Variants in TLCD3B observed in about 807,000 individuals in gnomAD.
The protein encoded by TLCD3B is ceramide synthase.
TLCD3B carries 9 observed loss-of-function variants against 23.0 expected under a neutral mutation model. The observed-to-expected ratio is 0.39, with a 90% confidence interval of 0.24 to 0.68. TLCD3B has a LOEUF of 0.68. Among genes scored for constraint, TLCD3B ranks in the 30% least tolerant of loss-of-function variants. The pLI is 0.44. For missense variants in TLCD3B, 307 were observed against 371.8 expected, an observed-to-expected ratio of 0.83 and a Z score of 1.43; for synonymous variants, 161 against 161.0, an observed-to-expected ratio of 1.00 and a Z score of 0.00.
upstream of TLCD3B, among the ~76,000 whole-genome samples, chr16:30,035,842 A>G (rs1464999501): frequency 6.7e-6 from 1 of 148,830 alleles, no homozygotes; most frequent in East Asian, 2.0e-4. Context: ...GGCTCACTGC[A>G]ACCTCCACCT....
At chr16:30,045,092 C>CAAAAAAAAAAAAAAAAAAAAA (rs1162281544) in intron 2 of TLCD3B, among the ~76,000 whole-genome samples, 1 of 22,226 alleles carries the variant, frequency 4.5e-5, no homozygotes, top group Admixed American at 8.2e-4. Flanking sequence ...GACTCCATCT[C>CAAAAAAAAAAAAAAAAAAAAA]AAAAAAAAAA....
Position 30,036,498 on chromosome 16 carries a change from G to A in TLCD3B, c.-66-284C>T, listed in dbSNP as rs116032488. The A allele has an allele frequency of 9.0e-4, 953 of 1,058,890 alleles. 6 individuals are homozygous for A. In the African/African-American group the frequency reaches 0.015, roughly 16 times the overall value. The allele number at this position is 1,058,890 out of a possible 1,614,324, so 65.6% of individuals were successfully genotyped here. On this transcript the variant is annotated intron_variant, in intron 3 of 6. Transcript: ENST00000561666. ...TGCCTTCCTGAAGTGTCTTCCAAGG[G>A]ACCTTCTCGGGATAAAAGGAAGGTG... is the stretch of plus-strand genomic sequence containing the variant.
upstream of TLCD3B, chr16:30,035,591 A>G: frequency 9.1e-7 from 1 of 1,098,176 alleles, no homozygotes; most frequent in Admixed American, 2.9e-5. Context: ...CAAGAGACCC[A>G]TCCATCTGTG....
At chr16:30,027,917 A>C (rs2071218696) in intron 2 of TLCD3B, among the ~76,000 whole-genome samples, 1 of 152,180 alleles carries the variant, frequency 6.6e-6, no homozygotes, top group Non-Finnish European at 1.5e-5. Context: ...GTTGGGGCTG[A>C]GGCCTCTGAG....
upstream of TLCD3B, among the ~76,000 whole-genome samples, chr16:30,034,789 A>C (rs1200014145): frequency 4.6e-5 from 7 of 152,066 alleles, no homozygotes; most frequent in Non-Finnish European, 1.0e-4. Flanking sequence ...ATCCTCACAC[A>C]ACATCTCCAC....
At chr16:30,042,506 G>A (rs997399454) in intron 2 of TLCD3B, among the ~76,000 whole-genome samples, 2 of 152,142 alleles carry the variant, frequency 1.3e-5, no homozygotes, top group African/African-American at 4.8e-5. Context: ...TTACAGGCAT[G>A]AGCCACCGTG....
intron 3 of TLCD3B, among the ~76,000 whole-genome samples, chr16:30,040,086 A>G (rs2071549097): frequency 6.8e-6 from 1 of 146,826 alleles, no homozygotes; most frequent in Admixed American, 6.9e-5. Flanking sequence ...GTGATCCGAG[A>G]TGGTGCCACT....
chr16:30,035,432 C>G, upstream of TLCD3B: 3 of 1,289,590 alleles, frequency 2.3e-6, no homozygotes, highest in Non-Finnish European at 3.0e-6. Context: ...GGCAGTGAAG[C>G]ACAACGGGAA....
At chr16:30,040,416 T>C (rs1156665527) in intron 3 of TLCD3B, among the ~76,000 whole-genome samples, 1 of 152,040 alleles carries the variant, frequency 6.6e-6, no homozygotes, top group Non-Finnish European at 1.5e-5. Context: ...TTCCTCATTT[T>C]ACTGCTGAGA....
At chr16:30,050,276 C>G (rs912352520) in intron 1 of TLCD3B, among the ~76,000 whole-genome samples, 19 of 152,178 alleles carry the variant, frequency 1.2e-4, no homozygotes, top group African/African-American at 3.4e-4. Flanking sequence ...CAGTGGTTCA[C>G]GCTTGTAATC....
Position 30,025,171 on chromosome 16 carries a change from C to T in TLCD3B, c.*12G>A, listed in dbSNP as rs1479750644. On this transcript the variant is annotated 3_prime_UTR_variant, in exon 5 of 5. Transcript: ENST00000380495. The surrounding 1 kb of genome is among the most constrained non-coding windows in gnomAD (Gnocchi z 4.1). ...GTGGGGGTGGGGAGGGGGAGGGTCC[C>T]GGCCCCCGGCCTCAGTCCTGGGCCT... is the stretch of plus-strand genomic sequence containing the variant. 7.7e-6 allele frequency: 11 copies of T among 1,434,810 alleles called. No homozygotes were observed. Among genetic ancestry groups the T allele is most frequent in the Middle Eastern group, 2.6e-4 (1 of 3,896 alleles). The allele number at this position is 1,434,810 out of a possible 1,614,324, so 88.9% of individuals were successfully genotyped here.
upstream of TLCD3B, chr16:30,035,437 C>A (rs762872407): frequency 7.8e-7 from 1 of 1,289,578 alleles, no homozygotes; most frequent in Non-Finnish European, 1.0e-6. Flanking sequence ...TGAAGCACAA[C>A]GGGAAGAAGA....
chr16:30,026,817 T>C lies in TLCD3B; in HGVS notation c.236A>G (p.Gln79Arg). 1 of 1,613,942 alleles carries C rather than the reference T, an allele frequency of 6.2e-7. No homozygotes were observed. Among genetic ancestry groups the C allele is most frequent in the Non-Finnish European group, 8.5e-7 (1 of 1,179,972 alleles). The change falls in exon 3 of 5, where the codon CAA (glutamine) becomes CGA (arginine). Residue 79 changes from glutamine (Q) to arginine (R), a missense_variant. By Grantham distance (43) the Gln-to-Arg change is conservative. Coordinates refer to ENST00000380495, the MANE Select transcript of TLCD3B (RefSeq NM_031478.6). ...GTAGATGAAGTAGGGCACAGCAAAT[T>C]GCGTGTAGGCAGAGGACAGCCAGTG... ...DQHWLSSAYT[Q>R]FAVPYFIYDI...
intron 2 of TLCD3B, among the ~76,000 whole-genome samples, chr16:30,045,339 TGTTTGTGTGTGTGGTGTGTGTGTGTGTG>T (rs2071649330): frequency 7.4e-6 from 1 of 135,428 alleles, no homozygotes; most frequent in Non-Finnish European, 1.6e-5. Flanking sequence ...TGTTTGTGTG[TGTTTGTGTGTGTGGTGTGTGTGTGTGTG>T]GTTTGTGTGT....
chr16:30,030,544 G>A lies in TLCD3B; in HGVS notation c.-17C>T, dbSNP rs1159943745. 8 of 1,559,486 alleles carry A rather than the reference G, an allele frequency of 5.1e-6. No homozygotes were observed. The highest frequency in any genetic ancestry group is 6.9e-6 in the Non-Finnish European group (8 of 1,157,498). ...GGTCAGCATGGTGGCTCAGGACTTGGGCAGGGAGGCAGGCGGGCCGTGAAG... is the reference window on the plus strand; with the variant it reads ...GGTCAGCATGGTGGCTCAGGACTTGAGCAGGGAGGCAGGCGGGCCGTGAAG... On this transcript the variant is annotated 5_prime_UTR_variant, in exon 1 of 5. Transcript: ENST00000380495.
At chr16:30,036,040 G>A, upstream of TLCD3B, 1 of 1,031,588 alleles carries the variant, frequency 9.7e-7, no homozygotes, top group Non-Finnish European at 1.3e-6. Context: ...TGGGATTACA[G>A]GCATGAGCCA....
chr16:30,038,329 G>A (rs2071511373), intron 3 of TLCD3B, among the ~76,000 whole-genome samples: 1 of 152,144 alleles, frequency 6.6e-6, no homozygotes, highest in Admixed American at 6.6e-5. Context: ...GTGCACACCT[G>A]TAGTACCAGC....
At chr16:30,028,373 CAG>C (rs892979010) in intron 2 of TLCD3B, among the ~76,000 whole-genome samples, 2 of 152,032 alleles carry the variant, frequency 1.3e-5, no homozygotes, top group Non-Finnish European at 2.9e-5. Context: ...GGAACAGACA[CAG>C]GGGGGCCTGG....
In TLCD3B at chr16:30,025,172, G is replaced by T; in HGVS notation, c.*11C>A. 1 of 1,432,266 alleles carries T rather than the reference G, an allele frequency of 7.0e-7. No individual in the cohort carries two copies. Among genetic ancestry groups the T allele is most frequent in the South Asian group, 1.5e-5 (1 of 66,948 alleles). The allele number at this position is 1,432,266 out of a possible 1,614,324, so 88.7% of individuals were successfully genotyped here. Reference sequence around the variant, plus strand: ...TGGGGGTGGGGAGGGGGAGGGTCCCGGCCCCCGGCCTCAGTCCTGGGCCTG... The same window carrying T: ...TGGGGGTGGGGAGGGGGAGGGTCCCTGCCCCCGGCCTCAGTCCTGGGCCTG... On this transcript the variant is annotated 3_prime_UTR_variant, in exon 5 of 5. Coordinates refer to ENST00000380495, the MANE Select transcript of TLCD3B (RefSeq NM_031478.6). This position sits in a 1 kb window ranked among gnomAD's most constrained non-coding sequence, Gnocchi z 4.1.
Sources: gnomAD v4.1 joint callset for allele counts (sites outside exome capture counted in the v4.1 genomes callset) on GRCh38, gnomAD v4.1.1 for gene constraint, Gnocchi (gnomAD v3.1) non-coding constraint, MANE v1.5 for transcripts, NCBI Gene and HGNC (gene_info 2026-07-23, HGNC 2026-07-21) for gene names.